The following ELAPOR1 variants were observed in gnomAD, a reference collection of about 807,000 sequenced individuals.
ELAPOR1 encodes the protein endosome/lysosome-associated apoptosis and autophagy regulator 1.
A neutral mutation model predicts 119.7 loss-of-function variants in ELAPOR1; 77 were observed. The observed-to-expected ratio is 0.64, with a 90% CI of 0.54 to 0.78. The LOEUF (loss-of-function observed/expected upper bound fraction) is 0.78. ELAPOR1 is among the 30% of genes least tolerant of loss of function. The probability of loss-of-function intolerance (pLI) is 0.00; values close to 1 mark genes in which losing one functional copy is unlikely to be tolerated. For synonymous variants in ELAPOR1, 481 were observed against 487.2 expected (o/e 0.99, Z 0.17); for missense variants, 1,115 against 1,270.4 (o/e 0.88, Z 1.86).
chr1:109,201,468 G>A (rs1570738126), intron 21 of ELAPOR1: 2 of 419,066 alleles, frequency 4.8e-6, no homozygotes, highest in East Asian at 1.4e-4. Flanking sequence ...CACTGGGTGT[G>A]GGGCCAGCAG....
chr1:109,197,470 C>T lies in ELAPOR1; in HGVS notation c.2122-4C>T, dbSNP rs564478815. The T allele has an allele frequency of 1.9e-6, 3 of 1,613,064 alleles. No individual in the cohort carries two copies. The highest frequency in any genetic ancestry group is 3.3e-5 in the Admixed American group (2 of 59,994). On this transcript the variant is annotated splice_polypyrimidine_tract_variant and splice_region_variant and intron_variant, in intron 15 of 21. Transcript: ENST00000369939. ...CTACTTCTTCCTCCCCACTCCCCAACCAGGGTAGGAAAATGTCTGTGTGCA... is the reference window on the plus strand; with the variant it reads ...CTACTTCTTCCTCCCCACTCCCCAATCAGGGTAGGAAAATGTCTGTGTGCA...
At chr1:109,154,897 G>T (rs1460817505) in intron 1 of ELAPOR1, among the ~76,000 whole-genome samples, 1 of 152,224 alleles carries the variant, frequency 6.6e-6, no homozygotes, top group African/African-American at 2.4e-5. Context: ...CGGAGTTAGA[G>T]ATGTGTTACT....
chr1:109,165,629 C>T (rs922902451), intron 3 of ELAPOR1, among the ~76,000 whole-genome samples: 2 of 151,316 alleles, frequency 1.3e-5, no homozygotes, highest in Non-Finnish European at 2.9e-5. Context: ...CCAAAAAAAC[C>T]AACCGGATTT....
chr1:109,155,734 G>A (rs1650836126), intron 1 of ELAPOR1, among the ~76,000 whole-genome samples: 1 of 152,156 alleles, frequency 6.6e-6, no homozygotes, highest in African/African-American at 2.4e-5. Flanking sequence ...TAAGCGTGAG[G>A]GAACACCACA....
chr1:109,129,456 G>A (rs562544115), intron 1 of ELAPOR1, among the ~76,000 whole-genome samples: 1 of 152,348 alleles, frequency 6.6e-6, no homozygotes, highest in Non-Finnish European at 1.5e-5. Context: ...AGGTTGCAGT[G>A]AGCCGAGATG....
chr1:109,151,845 C>T (rs1215714949), intron 1 of ELAPOR1, among the ~76,000 whole-genome samples: 11 of 150,070 alleles, frequency 7.3e-5, no homozygotes, highest in Non-Finnish European at 1.5e-5. Flanking sequence ...AGCTCCAGGG[C>T]ATTTGCCTGG....
At chr1:109,197,688 A>AGAGAGAGAGTGTGTGTGT (rs113482805) in intron 16 of ELAPOR1, 34 bp downstream of exon 16, 3 of 1,366,716 alleles carry the variant, frequency 2.2e-6, no homozygotes, top group Middle Eastern at 2.0e-4. Context: ...CTTGTTTGAG[A>AGAGAGAGAGTGTGTGTGT]GTGTGTGTGT....
At chr1:109,156,902 ACT>A (rs1650911174) in intron 1 of ELAPOR1, among the ~76,000 whole-genome samples, 3 of 151,994 alleles carry the variant, frequency 2.0e-5, no homozygotes, top group Non-Finnish European at 4.4e-5. Context: ...TCCCATCAAG[ACT>A]CTGTATGTAA....
chr1:109,138,028 G>A (rs979673281), intron 1 of ELAPOR1, among the ~76,000 whole-genome samples: 3 of 152,220 alleles, frequency 2.0e-5, no homozygotes, highest in Non-Finnish European at 2.9e-5. Context: ...AAAGGACTTT[G>A]CTGGTGCAGA....
chr1:109,178,104 A>G lies in ELAPOR1; in HGVS notation c.952+4267A>G, dbSNP rs1382601237. 3.5e-5 allele frequency among the ~76,000 whole-genome samples: 5 copies of G among 142,864 alleles called. No homozygotes were observed. In the East Asian group the frequency reaches 1.0e-3, roughly 30 times the overall value. The allele number at this position is 142,864 out of a possible 152,430, so 93.7% of individuals were successfully genotyped here. On this transcript the variant is annotated intron_variant, in intron 7 of 21. Transcript: ENST00000369939. ...GGCTCACTGCAATCTCTGCCTCCCC[A>G]GTTCAAGTGATTCTCCTGCCTCAGC...
At chr1:109,168,399 G>C (rs1455685629) in intron 3 of ELAPOR1, among the ~76,000 whole-genome samples, 1 of 152,202 alleles carries the variant, frequency 6.6e-6, no homozygotes. Context: ...TCATCACTGT[G>C]TCTCCAGCAT....
intron 7 of ELAPOR1, among the ~76,000 whole-genome samples, chr1:109,174,075 C>T (rs1469498817): frequency 6.9e-6 from 1 of 145,604 alleles, no homozygotes; most frequent in Non-Finnish European, 1.5e-5. Context: ...TGCCGTGGTG[C>T]GATCATAGCT....
chr1:109,126,919 T>A (rs1005845719), intron 1 of ELAPOR1, among the ~76,000 whole-genome samples: 13 of 152,216 alleles, frequency 8.5e-5, no homozygotes, highest in African/African-American at 2.7e-4. Context: ...AGAGCTTGTC[T>A]GCTTTATCAA....
chr1:109,142,845 A>C (rs1649912829), intron 1 of ELAPOR1, among the ~76,000 whole-genome samples: 1 of 152,252 alleles, frequency 6.6e-6, no homozygotes, highest in Non-Finnish European at 1.5e-5. Flanking sequence ...AAAAACTTGT[A>C]CATGATTATT....
In ELAPOR1 at chr1:109,205,936, T is replaced by C. The variant is rs943861571; in HGVS notation, c.*2924T>C. 4 of 152,214 alleles carry C rather than the reference T, an allele frequency of 2.6e-5. No homozygotes were observed. The highest frequency in any genetic ancestry group is 9.6e-5 in the African/African-American group (4 of 41,460). 9.4% of individuals were successfully genotyped at this position (152,214 alleles called of 1,614,324 possible). On this transcript the variant is annotated 3_prime_UTR_variant, in exon 22 of 22. Transcript: ENST00000369939. ...TAATTCACATATTACACAATTCACC[T>C]TTAAAACATACGATTCAATGGTTTT...
chr1:109,189,640 A>G lies in ELAPOR1; in HGVS notation c.1397A>G (p.Asp466Gly). 6.2e-7 allele frequency: 1 copy of G among 1,614,206 alleles called. No homozygotes were observed. Among genetic ancestry groups the G allele is most frequent in the South Asian group, 1.1e-5 (1 of 91,086 alleles). The change falls in exon 11 of 22, where the codon GAC (aspartate) becomes GGC (glycine). Residue 466 changes from aspartate to glycine, a missense_variant. Physicochemically the swap from Asp to Gly is moderately conservative, Grantham distance 94. Coordinates refer to ENST00000369939, the MANE Select transcript of ELAPOR1 (RefSeq NM_020775.5). The part of the protein sequence containing the change: ...DHIYTAAGAS[D>G]NDFMILTLVV... ...ATTTACACAGCTGCTGGAGCCTCAG[A>G]CAATGACTTCATGATTCTCACTCTG...
At chr1:109,126,785 TTAA>T in intron 1 of ELAPOR1, among the ~76,000 whole-genome samples, 1 of 152,324 alleles carries the variant, frequency 6.6e-6, no homozygotes, top group South Asian at 2.1e-4. Flanking sequence ...GCATGGATCT[TTAA>T]TGAGATCATT....
chr1:109,198,154 C>A, intron 17 of ELAPOR1, 79 bp downstream of exon 17: 2 of 1,085,110 alleles, frequency 1.8e-6, no homozygotes, highest in Non-Finnish European at 2.8e-6. Context: ...CCCTCTCTAG[C>A]CACCTACTGC....
chr1:109,199,548 A>G (rs1654029988), intron 18 of ELAPOR1, among the ~76,000 whole-genome samples: 1 of 150,968 alleles, frequency 6.6e-6, no homozygotes, highest in Admixed American at 6.6e-5. Flanking sequence ...GGAGGACAGG[A>G]ACCTCAAAGG....
Sources: allele counts gnomAD v4.1 joint callset (sites outside exome capture counted in the v4.1 genomes callset), GRCh38; gene constraint gnomAD v4.1.1; transcripts MANE v1.5; gene names NCBI Gene and HGNC (gene_info 2026-07-23, HGNC 2026-07-21).